Variants in RNASE13 observed in about 807,000 individuals in gnomAD.
The protein encoded by RNASE13 is ribonuclease A family member 13 (inactive), also known as probable inactive ribonuclease-like protein 13.
For synonymous variants in RNASE13, 67 were observed against 71.6 expected (o/e 0.94, Z 0.32); for missense variants, 188 against 192.8 (o/e 0.98, Z 0.15).
Position 21,033,740 on chromosome 14 carries a change from G to A in RNASE13, c.*78C>T, listed in dbSNP as rs778505220. The A allele has an allele frequency of 2.0e-6, 2 of 1,019,672 alleles. No homozygotes were observed. Among genetic ancestry groups the A allele is most frequent in the Admixed American group, 3.4e-5 (2 of 59,082 alleles). 63.2% of individuals were successfully genotyped at this position (1,019,672 alleles called of 1,614,324 possible). ...GCCTGCCTCGTAAGTCAGGAAGGAA[G>A]TCTTGTTACAGGGATCAGAGTGTTG... is the stretch of plus-strand genomic sequence containing the variant. On this transcript the variant is annotated 3_prime_UTR_variant, in exon 2 of 2. Coordinates refer to ENST00000382951, the MANE Select transcript of RNASE13 (RefSeq NM_001012264.4).
rs867936831 is a variant in RNASE13 at position 21,033,044 on chromosome 14, T to G, written c.*774A>C. 8.2e-5 allele frequency: 37 copies of G among 451,368 alleles called. No homozygotes were observed. Among genetic ancestry groups the G allele is most frequent in the African/African-American group, 7.5e-4 (37 of 49,528 alleles). The allele number at this position is 451,368 out of a possible 1,614,324, so 28.0% of individuals were successfully genotyped here. A position where few individuals can be genotyped will look rare whatever the true frequency, so the allele number is the denominator to read the frequency against. The stretch of plus-strand genomic sequence containing the variant: ...GTCTGGGGGATTTGGGAGGAGCTTC[T>G]GGAAGAGAAGGGAAGCAGGAACCTC... On this transcript the variant is annotated 3_prime_UTR_variant, in exon 2 of 2. Transcript: ENST00000382951.
At position 21,033,785 on chromosome 14, in the gene RNASE13, T is replaced by G; in HGVS notation, c.*33A>C. ...GTGTTGGAAATGGAGACAGCTGGCC[T>G]GTGGTGGTAGAGGTTGGGGAGTGGC... On this transcript the variant is annotated 3_prime_UTR_variant, in exon 2 of 2. Transcript: ENST00000382951. 2 of 1,322,920 alleles carry G rather than the reference T, an allele frequency of 1.5e-6. No homozygotes were observed. The highest frequency in any genetic ancestry group is 2.2e-6 in the Non-Finnish European group (2 of 914,394). The allele number at this position is 1,322,920 out of a possible 1,614,324, so 81.9% of individuals were successfully genotyped here. A position where few individuals can be genotyped will look rare whatever the true frequency, so the allele number is the denominator to read the frequency against.
rs776872016 is a variant in RNASE13, at chr14:21,033,761, T to C, written c.*57A>G. 3.5e-6 allele frequency: 4 copies of C among 1,127,852 alleles called. No homozygotes were observed. The African/African-American group carries it at 4.6e-5, about 13-fold the overall frequency. The allele number at this position is 1,127,852 out of a possible 1,614,324, so 69.9% of individuals were successfully genotyped here. On this transcript the variant is annotated 3_prime_UTR_variant, in exon 2 of 2. Transcript: ENST00000382951. ...GGAAGTCTTGTTACAGGGATCAGAG[T>C]GTTGGAAATGGAGACAGCTGGCCTG...
chr14:21,032,894 G>A lies in RNASE13; in HGVS notation c.*924C>T, dbSNP rs975339700. On this transcript the variant is annotated 3_prime_UTR_variant, in exon 2 of 2. Coordinates refer to ENST00000382951, the MANE Select transcript of RNASE13 (RefSeq NM_001012264.4). ...ACAAAAAATGGTACAGAGGGGGCTC[G>A]TGTGCCCTTCACCCAGTTTCCCCCA... 16 of 454,022 alleles carry A rather than the reference G, an allele frequency of 3.5e-5. No individual in the cohort carries two copies. Among genetic ancestry groups the A allele is most frequent in the East Asian group, 2.8e-4 (4 of 14,392 alleles). The allele number at this position is 454,022 out of a possible 1,614,324, so 28.1% of individuals were successfully genotyped here.
intron 1 of RNASE13, 37 bp from the exon 2 acceptor site, chr14:21,034,333 C>T: frequency 7.0e-7 from 1 of 1,422,730 alleles, no homozygotes; most frequent in East Asian, 2.3e-5. Context: ...AGCAGTGGGC[C>T]TGAAGTGGCT....
At position 21,033,332 on chromosome 14, in the gene RNASE13, G is replaced by C; in HGVS notation, c.*486C>G. ...ACATGAGTCTGAGGGCCTCAGGGAG[G>C]TTCCTATAGCTAGCCATATCCCCTG... On this transcript the variant is annotated 3_prime_UTR_variant, in exon 2 of 2. Transcript: ENST00000382951. 2 of 293,536 alleles carry C rather than the reference G, an allele frequency of 6.8e-6. No individual in the cohort carries two copies. The highest frequency in any genetic ancestry group is 1.3e-5 in the Non-Finnish European group (2 of 151,642). 18.2% of individuals were successfully genotyped at this position (293,536 alleles called of 1,614,324 possible).
chr14:21,034,369 C>T (rs1884474877), intron 1 of RNASE13, 73 bp from the exon 2 acceptor site: 2 of 968,936 alleles, frequency 2.1e-6, no homozygotes, highest in African/African-American at 1.6e-5. Flanking sequence ...GAGCCTCCAG[C>T]ATTCCCAACC....
Position 21,033,616 on chromosome 14 carries a change from T to C in RNASE13, c.*202A>G, listed in dbSNP as rs1884399165. 1 of 594,342 alleles carries C rather than the reference T, an allele frequency of 1.7e-6. No homozygotes were observed. Among genetic ancestry groups the C allele is most frequent in the Admixed American group, 2.9e-5 (1 of 34,440 alleles). The allele number at this position is 594,342 out of a possible 1,614,324, so 36.8% of individuals were successfully genotyped here. On this transcript the variant is annotated 3_prime_UTR_variant, in exon 2 of 2. Coordinates refer to ENST00000382951, the MANE Select transcript of RNASE13 (RefSeq NM_001012264.4). ...TGAGGAGGTGGGGGCGAAGAGGGGG[T>C]AAACAAGCTGGAAAGAACCTAGAAG...
intron 1 of RNASE13, 103 bp from the exon 2 acceptor site, chr14:21,034,399 A>T: frequency 1.3e-6 from 1 of 773,304 alleles, no homozygotes; most frequent in Non-Finnish European, 2.1e-6. Context: ...TTTAGAGATC[A>T]TCTCACCCAT....
At position 21,034,314 on chromosome 14, in the gene RNASE13, G is replaced by A; in HGVS notation, c.-8-18C>T. 1 of 1,571,128 alleles carries A rather than the reference G, an allele frequency of 6.4e-7. No individual in the cohort carries two copies. Among genetic ancestry groups the A allele is most frequent in the Non-Finnish European group, 8.7e-7 (1 of 1,151,562 alleles). On this transcript the variant is annotated intron_variant, in intron 1 of 1. Coordinates refer to ENST00000382951, the MANE Select transcript of RNASE13 (RefSeq NM_001012264.4). ...TCCTCCTGCTGGTAGAGTTAAGGTGGTTGGGGGCAGCAGTGGGCCTGAAGT... is the reference window on the plus strand; with the variant it reads ...TCCTCCTGCTGGTAGAGTTAAGGTGATTGGGGGCAGCAGTGGGCCTGAAGT...
At chr14:21,034,549 TAA>T in intron 1 of RNASE13, 105 bp downstream of exon 1, 1 of 458,640 alleles carries the variant, frequency 2.2e-6, no homozygotes, top group Non-Finnish European at 3.9e-6. Flanking sequence ...ATTTGCAGAA[TAA>T]GAGCTCTAAC....
rs922146878 is a variant in RNASE13, at chr14:21,034,086, C to T, written c.203G>A (p.Cys68Tyr). The part of the protein sequence containing the change: ...YMRGKMQNSD[C>Y]PKIHYVIHAP... ...ATGTATCACATAATGGATCTTTGGG[C>T]AATCTGAATTTTGCATCTTGCCTCG... The change falls in exon 2 of 2, where the codon TGC becomes TAC. Residue 68 changes from cysteine (C) to tyrosine (Y), a missense_variant. Transcript: ENST00000382951. 6.2e-7 allele frequency: 1 copy of T among 1,614,168 alleles called. No individual in the cohort carries two copies.
In RNASE13 at chr14:21,033,797, G is replaced by T. The variant is rs1193916928; in HGVS notation, c.*21C>A. 5 of 1,450,074 alleles carry T rather than the reference G, an allele frequency of 3.4e-6. No individual in the cohort carries two copies. Among genetic ancestry groups the T allele is most frequent in the Non-Finnish European group, 2.9e-6 (3 of 1,030,464 alleles). The allele number at this position is 1,450,074 out of a possible 1,614,324, so 89.8% of individuals were successfully genotyped here. A position where few individuals can be genotyped will look rare whatever the true frequency, so the allele number is the denominator to read the frequency against. On this transcript the variant is annotated 3_prime_UTR_variant, in exon 2 of 2. Coordinates refer to ENST00000382951, the MANE Select transcript of RNASE13 (RefSeq NM_001012264.4). ...GAGACAGCTGGCCTGTGGTGGTAGA[G>T]GTTGGGGAGTGGCTCAGGAATTAAA...
Position 21,033,437 on chromosome 14 carries a change from G to T in RNASE13, c.*381C>A. 3.4e-6 allele frequency: 1 copy of T among 294,074 alleles called. No individual in the cohort carries two copies. The highest frequency in any genetic ancestry group is 3.8e-5 in the South Asian group (1 of 26,416). The allele number at this position is 294,074 out of a possible 1,614,324, so 18.2% of individuals were successfully genotyped here. A position where few individuals can be genotyped will look rare whatever the true frequency, so the allele number is the denominator to read the frequency against. ...AAGGCTGGTGGGGATGGGGAGGTGA[G>T]ACTCGGAGCTGGTGCCTGTTGCCAT... On this transcript the variant is annotated 3_prime_UTR_variant, in exon 2 of 2. Coordinates refer to ENST00000382951, the MANE Select transcript of RNASE13 (RefSeq NM_001012264.4).
At position 21,034,269 on chromosome 14, in the gene RNASE13, C is replaced by T. The variant is rs372779444; in HGVS notation, c.20G>A (p.Arg7Gln). The T allele has an allele frequency of 1.3e-5, 21 of 1,611,950 alleles. No homozygotes were observed. The highest frequency in any genetic ancestry group is 5.3e-5 in the African/African-American group (4 of 74,828). The change falls in exon 2 of 2, where the codon CGG (arginine) becomes CAG (glutamine). Residue 7 changes from arginine (R) to glutamine (Q), a missense_variant. Arg to Gln is a conservative substitution (Grantham distance 43). Transcript: ENST00000382951. ...CAGAACAAGCTGGAGGAAAAGGAGC[C>T]GGGTCACAGCTGGTGCCATTCCTCC... MAPAVT[R>Q]LLFLQLVLGP...
Position 21,032,970 on chromosome 14 carries a change from T to C in RNASE13, c.*848A>G, listed in dbSNP as rs1884334570. On this transcript the variant is annotated 3_prime_UTR_variant, in exon 2 of 2. Transcript: ENST00000382951. The stretch of plus-strand genomic sequence containing the variant: ...GTGGTTTTAGAAATTTATGTTCGAT[T>C]AGAGCCGGGCCTGCCTCATTCGCTG... 4.4e-6 allele frequency: 2 copies of C among 456,066 alleles called. No homozygotes were observed. Among genetic ancestry groups the C allele is most frequent in the Admixed American group, 4.7e-5 (2 of 42,560 alleles). The allele number at this position is 456,066 out of a possible 1,614,324, so 28.3% of individuals were successfully genotyped here.
Position 21,032,991 on chromosome 14 carries a change from C to T in RNASE13, c.*827G>A, listed in dbSNP as rs757823267. On this transcript the variant is annotated 3_prime_UTR_variant, in exon 2 of 2. Transcript: ENST00000382951. The stretch of plus-strand genomic sequence containing the variant: ...CGATTAGAGCCGGGCCTGCCTCATT[C>T]GCTGCCTGGTCAGGGGCAGACTCTG... 7 of 455,970 alleles carry T rather than the reference C, an allele frequency of 1.5e-5. No individual in the cohort carries two copies. The highest frequency in any genetic ancestry group is 6.2e-5 in the South Asian group (4 of 64,540). The allele number at this position is 455,970 out of a possible 1,614,324, so 28.2% of individuals were successfully genotyped here. A position where few individuals can be genotyped will look rare whatever the true frequency, so the allele number is the denominator to read the frequency against.
At position 21,033,794 on chromosome 14, in the gene RNASE13, A is replaced by G. The variant is rs1436898728; in HGVS notation, c.*24T>C. 7.1e-7 allele frequency: 1 copy of G among 1,409,052 alleles called. No individual in the cohort carries two copies. Among genetic ancestry groups the G allele is most frequent in the South Asian group, 1.1e-5 (1 of 87,058 alleles). 87.3% of individuals were successfully genotyped at this position (1,409,052 alleles called of 1,614,324 possible). On this transcript the variant is annotated 3_prime_UTR_variant, in exon 2 of 2. Transcript: ENST00000382951. ...ATGGAGACAGCTGGCCTGTGGTGGT[A>G]GAGGTTGGGGAGTGGCTCAGGAATT...
In RNASE13 at chr14:21,033,635, C is replaced by G; in HGVS notation, c.*183G>C. On this transcript the variant is annotated 3_prime_UTR_variant, in exon 2 of 2. Coordinates refer to ENST00000382951, the MANE Select transcript of RNASE13 (RefSeq NM_001012264.4). ...AGGGGGTAAACAAGCTGGAAAGAAC[C>G]TAGAAGATAGCACCACTTTGCATGG... 1 of 613,264 alleles carries G rather than the reference C, an allele frequency of 1.6e-6. No individual in the cohort carries two copies. Among genetic ancestry groups the G allele is most frequent in the South Asian group, 1.9e-5 (1 of 51,954 alleles). 38.0% of individuals were successfully genotyped at this position (613,264 alleles called of 1,614,324 possible).
Sources: allele counts gnomAD v4.1 joint callset, GRCh38; gene constraint gnomAD v4.1.1; transcripts MANE v1.5; gene names NCBI Gene and HGNC (gene_info 2026-07-23, HGNC 2026-07-21).